Variants in ANKRD44 observed in about 807,000 individuals in gnomAD.
ANKRD44 encodes the protein serine/threonine-protein phosphatase 6 regulatory ankyrin repeat subunit B.
A neutral mutation model predicts 116.0 loss-of-function variants in ANKRD44; 35 were observed. That is an observed-to-expected ratio of 0.30 (90% CI 0.23 to 0.40). The LOEUF is 0.40. Among genes scored for constraint, ANKRD44 ranks in the 10% least tolerant of loss-of-function variants. The pLI is 1.00. For synonymous variants in ANKRD44, 435 were observed against 461.8 expected (o/e 0.94, Z 0.74); for missense variants, 1,014 against 1,242.6 (o/e 0.82, Z 2.77).
In ANKRD44 at chr2:197,289,939, C is replaced by T. The variant is rs538454766; in HGVS notation, c.27+20639G>A. 6.6e-5 allele frequency among the ~76,000 whole-genome samples: 10 copies of T among 150,858 alleles called. No homozygotes were observed. In the South Asian group the frequency reaches 2.1e-3, roughly 32 times the overall value. ...TGAGTGCAGTGGCGTGATCTCGGCT[C>T]ACTGCAACCTCCTGGGTTCAAGCAA... On this transcript the variant is annotated intron_variant, in intron 1 of 27. Transcript: ENST00000282272.
chr2:197,169,908 A>C (rs1018264541), intron 2 of ANKRD44, among the ~76,000 whole-genome samples: 5 of 152,060 alleles, frequency 3.3e-5, no homozygotes, highest in Admixed American at 1.3e-4. Flanking sequence ...AAGAGGGAGG[A>C]GGCCAGGTAC....
chr2:197,187,668 CT>C (rs2080715858), intron 1 of ANKRD44, among the ~76,000 whole-genome samples: 1 of 152,062 alleles, frequency 6.6e-6, no homozygotes, highest in East Asian at 1.9e-4. Context: ...CTCTCTCTCT[CT>C]CTCTCTCTCC....
chr2:197,149,493 C>T (rs2079585678), intron 2 of ANKRD44, among the ~76,000 whole-genome samples: 1 of 152,152 alleles, frequency 6.6e-6, no homozygotes, highest in Non-Finnish European at 1.5e-5. Context: ...CCCAGTGTTC[C>T]TGTTAATATG....
intron 20 of ANKRD44, 142 bp downstream of exon 20, chr2:197,007,664 T>C (rs2076224074): frequency 3.2e-6 from 2 of 623,630 alleles, no homozygotes; most frequent in Non-Finnish European, 2.8e-6. Context: ...ATAAGGTTAA[T>C]TGGTTGTATT....
chr2:197,204,285 T>TA (rs1309533896), intron 1 of ANKRD44, among the ~76,000 whole-genome samples: 1 of 152,162 alleles, frequency 6.6e-6, no homozygotes, highest in African/African-American at 2.4e-5. Flanking sequence ...AGAAAATTTA[T>TA]AAAAATGCTA....
intron 1 of ANKRD44, among the ~76,000 whole-genome samples, chr2:197,254,356 C>G (rs899553527): frequency 6.6e-6 from 1 of 152,060 alleles, no homozygotes; most frequent in Non-Finnish European, 1.5e-5. Flanking sequence ...TACACTCCAG[C>G]CTGAGCAATA....
At chr2:197,191,666 A>T (rs1169278905) in intron 1 of ANKRD44, among the ~76,000 whole-genome samples, 2 of 152,218 alleles carry the variant, frequency 1.3e-5, no homozygotes, top group Non-Finnish European at 2.9e-5. Context: ...GTTACCTGGG[A>T]GGTAAAAGCA....
At chr2:197,049,958 G>C (rs1276320484) in intron 16 of ANKRD44, among the ~76,000 whole-genome samples, 2 of 152,076 alleles carry the variant, frequency 1.3e-5, no homozygotes, top group Admixed American at 6.6e-5. Context: ...TTCTCACACT[G>C]CTATCAAGAA....
At chr2:197,236,525 A>G (rs1180230076) in intron 1 of ANKRD44, among the ~76,000 whole-genome samples, 1 of 152,160 alleles carries the variant, frequency 6.6e-6, no homozygotes, top group Non-Finnish European at 1.5e-5. Context: ...ACTTACTGCT[A>G]TTATGTTGAA....
chr2:196,972,757 A>G (rs2075724562), intron 21 of ANKRD44, among the ~76,000 whole-genome samples: 1 of 152,170 alleles, frequency 6.6e-6, no homozygotes, highest in African/African-American at 2.4e-5. Flanking sequence ...GCATCATACT[A>G]GTTGTTAAAT....
rs149575489 is a variant in ANKRD44, at chr2:197,038,816, G to A, written c.1651-13549C>T. 4.6e-3 allele frequency among the ~76,000 whole-genome samples: 703 copies of A among 152,276 alleles called. 2 individuals are homozygous for A. The highest frequency in any genetic ancestry group is 7.6e-3 in the Non-Finnish European group (520 of 68,026). ...TAAAGCCACTATTATTAGGGATAAG[G>A]CATCGTGGTTGCTAAAAACATAAGG... On this transcript the variant is annotated intron_variant, in intron 16 of 27. Coordinates refer to ENST00000282272, the MANE Select transcript of ANKRD44 (RefSeq NM_001195144.2).
chr2:197,126,376 C>A (rs2078975101), intron 4 of ANKRD44, among the ~76,000 whole-genome samples: 1 of 152,152 alleles, frequency 6.6e-6, no homozygotes, highest in African/African-American at 2.4e-5. Context: ...GTAAAATAAC[C>A]ATAGACAAAA....
At chr2:197,115,022 C>T (rs2078675664) in intron 8 of ANKRD44, among the ~76,000 whole-genome samples, 1 of 152,316 alleles carries the variant, frequency 6.6e-6, no homozygotes, top group South Asian at 2.1e-4. Flanking sequence ...CCTTCAACTT[C>T]TCCAACACAA....
chr2:197,088,656 GTCAA>G, intron 12 of ANKRD44, 51 bp downstream of exon 12: 1 of 870,034 alleles, frequency 1.1e-6, no homozygotes, highest in Non-Finnish European at 1.7e-6. Flanking sequence ...CTTAAGTCAA[GTCAA>G]TAAAGATGAA....
chr2:197,065,240 G>C (rs1465382089), intron 16 of ANKRD44, among the ~76,000 whole-genome samples: 7 of 152,166 alleles, frequency 4.6e-5, no homozygotes, highest in Non-Finnish European at 8.8e-5. Flanking sequence ...AAATAAAGAT[G>C]TTCTTTGAAA....
rs2105943851 is a variant in ANKRD44 at position 197,310,693 on chromosome 2, A to G, written c.-89T>C. On this transcript the variant is annotated 5_prime_UTR_variant, in exon 1 of 28. Transcript: ENST00000282272. ...CGGGGAAGCGGAAGGGATTGCCAGG[A>G]GAAGGGAAAAAATCTGGCTCCCGAA... 8.1e-7 allele frequency: 1 copy of G among 1,240,204 alleles called. No individual in the cohort carries two copies. The highest frequency in any genetic ancestry group is 1.0e-6 in the Non-Finnish European group (1 of 964,856). 76.8% of individuals were successfully genotyped at this position (1,240,204 alleles called of 1,614,324 possible). A position where few individuals can be genotyped will look rare whatever the true frequency, so the allele number is the denominator to read the frequency against.
In ANKRD44 at chr2:197,039,449, G is replaced by C. The variant is rs2076866300; in HGVS notation, c.1651-14182C>G. On this transcript the variant is annotated intron_variant, in intron 16 of 27. Coordinates refer to ENST00000282272, the MANE Select transcript of ANKRD44 (RefSeq NM_001195144.2). ...CAGTAATCGTTGCAAGGAAATGTCA[G>C]TACAATGAGATACTTCGGCTACTCC... Among the ~76,000 whole-genome samples the C allele has an allele frequency of 2.0e-5, 3 of 152,206 alleles. No individual in the cohort carries two copies. In the South Asian group the frequency reaches 6.2e-4, roughly 31 times the overall value.
intron 18 of ANKRD44, among the ~76,000 whole-genome samples, chr2:197,012,170 T>A (rs1459852896): frequency 1.3e-5 from 2 of 152,238 alleles, no homozygotes; most frequent in Non-Finnish European, 2.9e-5. Flanking sequence ...AACAGTCCAG[T>A]GACAGTGTCT....
At chr2:197,099,511 T>C in intron 10 of ANKRD44, 1 of 1,072,348 alleles carries the variant, frequency 9.3e-7, no homozygotes. Flanking sequence ...TTTTCCTGTT[T>C]AATATGAAGC....
Sources: allele counts gnomAD v4.1 joint callset (sites outside exome capture counted in the v4.1 genomes callset), GRCh38; gene constraint gnomAD v4.1.1; transcripts MANE v1.5; gene names NCBI Gene and HGNC (gene_info 2026-07-23, HGNC 2026-07-21).